Variants in ESRRB observed in about 807,000 individuals in gnomAD.
The protein encoded by ESRRB is steroid hormone receptor ERR2.
ESRRB carries 16 observed loss-of-function variants against 46.0 expected under a neutral mutation model. The observed-to-expected ratio is 0.35, with a 90% CI of 0.24 to 0.53. The LOEUF is 0.53. Ranked by LOEUF, ESRRB falls within the 20% of genes least tolerant of loss-of-function variation. The pLI is 0.93. For missense variants in ESRRB, 488 were observed against 607.4 expected (o/e 0.80, Z 2.07); for synonymous variants, 246 against 259.6 (o/e 0.95, Z 0.50).
chr14:76,334,844 G>A (rs1884107587), intron 1 of ESRRB, among the ~76,000 whole-genome samples: 2 of 152,232 alleles, frequency 1.3e-5, no homozygotes, highest in African/African-American at 2.4e-5. Context: ...AGAAACTGGG[G>A]ATACCAGAGA....
At chr14:76,382,178 G>A (rs1048176040) in intron 1 of ESRRB, among the ~76,000 whole-genome samples, 2 of 152,170 alleles carry the variant, frequency 1.3e-5, no homozygotes, top group African/African-American at 4.8e-5. Context: ...AATGTGTTCC[G>A]GTGGGTAGTC....
chr14:76,325,369 G>T (rs1883916947), intron 1 of ESRRB, among the ~76,000 whole-genome samples: 1 of 152,154 alleles, frequency 6.6e-6, no homozygotes, highest in African/African-American at 2.4e-5. Context: ...GGGCAGGAGT[G>T]GGGAGAGAAA....
rs1890616653 is a variant in ESRRB, at chr14:76,500,345, G to C, written c.*1887G>C. ...TGAGTCACTTGATGAGTAGGCACTG[G>C]AGCCGTTACCCAGGATGCTGCGGCC... On this transcript the variant is annotated 3_prime_UTR_variant, in exon 7 of 7. Transcript: ENST00000644823. The C allele has an allele frequency of 3.4e-6, 2 of 585,700 alleles. No individual in the cohort carries two copies. Among genetic ancestry groups the C allele is most frequent in the Non-Finnish European group, 6.1e-6 (2 of 329,712 alleles). The allele number at this position is 585,700 out of a possible 1,614,324, so 36.3% of individuals were successfully genotyped here. A position where few individuals can be genotyped will look rare whatever the true frequency, so the allele number is the denominator to read the frequency against.
intron 6 of ESRRB, among the ~76,000 whole-genome samples, chr14:76,493,668 G>A (rs1371516487): frequency 6.6e-6 from 1 of 152,208 alleles, no homozygotes; most frequent in Non-Finnish European, 1.5e-5. Context: ...ATACTGTCCT[G>A]CTTTTACTGA....
chr14:76,333,076 T>TA lies in ESRRB; in HGVS notation c.2+22161dup, dbSNP rs1884063933. On this transcript the variant is annotated intron_variant, in intron 1 of 6. Coordinates refer to the ESRRB transcript ENST00000512784. Reference sequence around the variant, plus strand: ...TATATATTATATATTATATATTATATATATTATTTATATTATATATTATAT... The same window carrying TA: ...TATATATTATATATTATATATTATATAATATTATTTATATTATATATTATAT... 9.2e-4 allele frequency among the ~76,000 whole-genome samples: 9 copies of TA among 9,832 alleles called. 1 individual carries two copies. The highest frequency in any genetic ancestry group is 1.1e-3 in the Non-Finnish European group (6 of 5,690). 6.5% of individuals were successfully genotyped at this position (9,832 alleles called of 152,430 possible). A position where few individuals can be genotyped will look rare whatever the true frequency, so the allele number is the denominator to read the frequency against.
intron 1 of ESRRB, among the ~76,000 whole-genome samples, chr14:76,391,099 C>T (rs1405482413): frequency 1.3e-5 from 2 of 152,292 alleles, no homozygotes; most frequent in South Asian, 2.1e-4. Flanking sequence ...TGGCCAATCC[C>T]GAGTTGGATC....
chr14:76,422,068 A>C (rs918431407), intron 1 of ESRRB, among the ~76,000 whole-genome samples: 6 of 152,302 alleles, frequency 3.9e-5, no homozygotes, highest in African/African-American at 1.4e-4. Context: ...AGTCTTGCCA[A>C]GGGCAGTCCT....
intron 1 of ESRRB, among the ~76,000 whole-genome samples, chr14:76,427,312 G>C (rs982441311): frequency 6.6e-6 from 1 of 151,852 alleles, no homozygotes; most frequent in Non-Finnish European, 1.5e-5. Flanking sequence ...ATGTCTCTAA[G>C]AATATGGCAA....
chr14:76,358,327 GA>G (rs1299234239), intron 1 of ESRRB, among the ~76,000 whole-genome samples: 11 of 11,210 alleles, frequency 9.8e-4, no homozygotes, highest in Admixed American at 4.8e-3. Context: ...AAAAAAAAAA[GA>G]AAGAAAGAAA....
chr14:76,352,861 C>T (rs1304714996), intron 1 of ESRRB, among the ~76,000 whole-genome samples: 2 of 152,226 alleles, frequency 1.3e-5, no homozygotes, highest in Admixed American at 1.3e-4. Flanking sequence ...CGCCCCCACG[C>T]GCACACAGGC....
intron 2 of ESRRB, among the ~76,000 whole-genome samples, chr14:76,442,624 G>C (rs143392206): frequency 6.6e-6 from 1 of 152,020 alleles, no homozygotes; most frequent in Non-Finnish European, 1.5e-5. Context: ...ACAAATGTTT[G>C]TAATTATTAT....
intron 1 of ESRRB, among the ~76,000 whole-genome samples, chr14:76,325,302 G>GA (rs1259004293): frequency 1.3e-5 from 2 of 152,110 alleles, no homozygotes; most frequent in African/African-American, 4.8e-5. Flanking sequence ...CTCTGCGTGG[G>GA]AAAAATACGG....
At chr14:76,458,452 A>C (rs1176594094) in intron 2 of ESRRB, among the ~76,000 whole-genome samples, 1 of 93,320 alleles carries the variant, frequency 1.1e-5, no homozygotes, top group Non-Finnish European at 2.4e-5. Context: ...ACACACACAC[A>C]CACACACACA....
At chr14:76,394,888 A>G (rs938633882) in intron 1 of ESRRB, among the ~76,000 whole-genome samples, 1 of 152,228 alleles carries the variant, frequency 6.6e-6, no homozygotes, top group South Asian at 2.1e-4. Context: ...ACGGACTGAC[A>G]TGAACCATTC....
chr14:76,429,354 G>A (rs1260992862), intron 1 of ESRRB, among the ~76,000 whole-genome samples: 8 of 152,214 alleles, frequency 5.3e-5, no homozygotes, highest in Admixed American at 5.2e-4. Context: ...GTGCTGAAGT[G>A]TGTGTCCAGA....
At chr14:76,404,736 G>A (rs539383305) in intron 1 of ESRRB, among the ~76,000 whole-genome samples, 2 of 152,312 alleles carry the variant, frequency 1.3e-5, no homozygotes, top group South Asian at 4.1e-4. Flanking sequence ...TTTTCTAAAA[G>A]CAACAAAATC....
At chr14:76,426,867 C>CA (rs1370714096) in intron 1 of ESRRB, among the ~76,000 whole-genome samples, 7 of 151,872 alleles carry the variant, frequency 4.6e-5, no homozygotes, top group African/African-American at 1.2e-4. Context: ...CATGTCGCTA[C>CA]AAAAAAACAA....
chr14:76,439,951 A>C (rs1416278674), intron 2 of ESRRB, among the ~76,000 whole-genome samples: 1 of 152,110 alleles, frequency 6.6e-6, no homozygotes, highest in Non-Finnish European at 1.5e-5. Flanking sequence ...TTGAGATGAC[A>C]CGCGTTCCCC....
At chr14:76,357,817 G>A (rs1363271720) in intron 1 of ESRRB, among the ~76,000 whole-genome samples, 3 of 152,130 alleles carry the variant, frequency 2.0e-5, no homozygotes, top group Admixed American at 2.0e-4. Flanking sequence ...ATTAAGCTGG[G>A]ATCGTTTTAA....
Sources: gnomAD v4.1 joint callset for allele counts (sites outside exome capture counted in the v4.1 genomes callset) on GRCh38, gnomAD v4.1.1 for gene constraint, MANE v1.5 for transcripts, NCBI Gene and HGNC (gene_info 2026-07-23, HGNC 2026-07-21) for gene names.